Variants in XIRP2 observed in about 807,000 individuals in gnomAD.
XIRP2 encodes xin actin-binding repeat-containing protein 2.
In XIRP2, 236 loss-of-function variants were observed where a neutral mutation model predicts 277.0. The ratio of observed to expected loss-of-function variants is 0.85; its 90% CI spans 0.77 to 0.95. XIRP2 has a LOEUF of 0.95. Ranked by LOEUF, XIRP2 falls within the 40% of genes least tolerant of loss-of-function variation. The probability of loss-of-function intolerance (pLI) is 0.00; values close to 1 mark genes in which losing one functional copy is unlikely to be tolerated. For missense variants in XIRP2, 4,640 were observed against 4,157.5 expected (o/e 1.12, Z -3.19); for synonymous variants, 1,490 against 1,416.5 (o/e 1.05, Z -1.17).
intron 2 of XIRP2, among the ~76,000 whole-genome samples, chr2:167,091,981 C>T (rs1391320729): frequency 1.3e-5 from 2 of 152,078 alleles, no homozygotes; most frequent in Non-Finnish European, 2.9e-5. Context: ...AAAAGCAACA[C>T]CAAATGTGAT....
chr2:167,094,286 G>C (rs1690234777), intron 2 of XIRP2, among the ~76,000 whole-genome samples: 1 of 152,130 alleles, frequency 6.6e-6, no homozygotes, highest in Non-Finnish European at 1.5e-5. Flanking sequence ...ACTGATGATA[G>C]TTTCTTTTGC....
In XIRP2 at chr2:166,958,937, T is replaced by C. The variant is rs572172056; in HGVS notation, c.408+55047T>C. 7.2e-4 allele frequency among the ~76,000 whole-genome samples: 109 copies of C among 151,914 alleles called. 1 individual carries two copies. The highest frequency in any genetic ancestry group is 2.5e-3 in the African/African-American group (103 of 41,506). On this transcript the variant is annotated intron_variant, in intron 2 of 10. Coordinates refer to ENST00000409195, the MANE Select transcript of XIRP2 (RefSeq NM_152381.6). ...AACGTCTATTCCAACCTCTTCTTTG[T>C]CACAGAAGGCCAGGAAAACTCTAGC...
chr2:167,233,027 A>G (rs1299943503), intron 5 of XIRP2, among the ~76,000 whole-genome samples: 4 of 151,978 alleles, frequency 2.6e-5, no homozygotes, highest in African/African-American at 9.7e-5. Context: ...CAATTCTATG[A>G]TAGAAAATAT....
chr2:167,084,150 ATTG>A (rs1231808982), intron 2 of XIRP2, among the ~76,000 whole-genome samples: 1 of 152,140 alleles, frequency 6.6e-6, no homozygotes, highest in Non-Finnish European at 1.5e-5. Context: ...TTTAGCATGA[ATTG>A]TTGTTGAATT....
At chr2:167,171,398 G>A (rs1044522773) in intron 3 of XIRP2, among the ~76,000 whole-genome samples, 1 of 151,998 alleles carries the variant, frequency 6.6e-6, no homozygotes, top group Non-Finnish European at 1.5e-5. Flanking sequence ...ACACTTTTAG[G>A]TATCTTATTG....
intron 2 of XIRP2, among the ~76,000 whole-genome samples, chr2:167,030,494 G>A (rs1326061784): frequency 2.0e-5 from 3 of 152,092 alleles, no homozygotes; most frequent in African/African-American, 7.2e-5. Flanking sequence ...TCAGGAGCAG[G>A]TTGTTCAGTT....
chr2:167,233,426 C>T lies in XIRP2; in HGVS notation c.859-6429C>T, dbSNP rs563653730. 3.9e-5 allele frequency among the ~76,000 whole-genome samples: 6 copies of T among 151,950 alleles called. No homozygotes were observed. In the South Asian group the frequency reaches 1.0e-3, roughly 26 times the overall value. ...CTGGCTGTATAAGATTGATACAAAG[C>T]AGGTTAAGGTGAGATGGAAGAAGAT... On this transcript the variant is annotated intron_variant, in intron 5 of 10. Transcript: ENST00000409195.
rs1167500403 is a variant in XIRP2, at chr2:167,242,981, A to T, written c.1589A>T (p.Asn530Ile). 6.2e-7 allele frequency: 1 copy of T among 1,614,052 alleles called. No homozygotes were observed. The highest frequency in any genetic ancestry group is 1.1e-5 in the South Asian group (1 of 91,080). ...EVSEIVSSQM[N>I]SGSSVSADVQ... ...TCTGAGATTGTTTCTAGTCAAATGA[A>T]CTCAGGGAGTTCAGTCTCAGCAGAT... The change falls in exon 9 of 11, where the codon AAC (asparagine) becomes ATC (isoleucine). Residue 530 changes from asparagine to isoleucine, a missense_variant. Asn to Ile is a moderately radical substitution (Grantham distance 149). Coordinates refer to ENST00000409195, the MANE Select transcript of XIRP2 (RefSeq NM_152381.6).
At position 166,903,774 on chromosome 2, in the gene XIRP2, G is replaced by C; in HGVS notation, c.292G>C (p.Glu98Gln). ...REYGRPEVLK[E>Q]DSLSSRRRIE... ...ATATGGTCGGCCAGAAGTGCTGAAG[G>C]AGGATTCCCTGAGCAGTCGGCGCAG... Residue 98 changes from glutamate to glutamine, a missense_variant, in exon 2 of 11, where the codon GAG becomes CAG. Transcript: ENST00000409195. 1 of 1,613,710 alleles carries C rather than the reference G, an allele frequency of 6.2e-7. No homozygotes were observed. The highest frequency in any genetic ancestry group is 8.5e-7 in the Non-Finnish European group (1 of 1,179,808).
chr2:167,073,986 A>G (rs1331257154), intron 2 of XIRP2, among the ~76,000 whole-genome samples: 1 of 152,146 alleles, frequency 6.6e-6, no homozygotes, highest in Non-Finnish European at 1.5e-5. Context: ...TAACAACATC[A>G]TTCTCTCTTC....
intron 3 of XIRP2, among the ~76,000 whole-genome samples, chr2:167,180,008 T>C (rs1401912200): frequency 6.6e-6 from 1 of 152,218 alleles, no homozygotes; most frequent in African/African-American, 2.4e-5. Flanking sequence ...TAACAGAAAG[T>C]TGTCTACAAA....
At chr2:166,997,954 G>A (rs922151329) in intron 2 of XIRP2, among the ~76,000 whole-genome samples, 6 of 151,516 alleles carry the variant, frequency 4.0e-5, no homozygotes, top group Non-Finnish European at 5.9e-5. Context: ...CTTACTGAGC[G>A]CCATTTTGGT....
At position 167,248,004 on chromosome 2, in the gene XIRP2, A is replaced by G; in HGVS notation, c.6612A>G (p.Ile2204Met). ...ATAAGGATATAAAGAAAAAGAATAT[A>G]AACCTTCAACCAATGTGGCAGCTTT... is the stretch of plus-strand genomic sequence containing the variant. ...YSNKDIKKKN[I>M]NLQPMWQLLP... Residue 2204 changes from isoleucine (I) to methionine (M), a missense_variant, in exon 9 of 11, where the codon ATA becomes ATG. Coordinates refer to ENST00000409195, the MANE Select transcript of XIRP2 (RefSeq NM_152381.6). 6.2e-7 allele frequency: 1 copy of G among 1,613,122 alleles called. No homozygotes were observed. The highest frequency in any genetic ancestry group is 8.5e-7 in the Non-Finnish European group (1 of 1,179,572).
chr2:166,962,029 G>A (rs1686312318), intron 2 of XIRP2, among the ~76,000 whole-genome samples: 1 of 151,544 alleles, frequency 6.6e-6, no homozygotes, highest in African/African-American at 2.4e-5. Flanking sequence ...GACAATGAGT[G>A]GCCATAAAAG....
intron 2 of XIRP2, among the ~76,000 whole-genome samples, chr2:167,041,872 A>G (rs1030691201): frequency 1.6e-4 from 25 of 152,202 alleles, no homozygotes; most frequent in East Asian, 7.7e-4. Context: ...ACAAAGGCAC[A>G]TGGTCATCAG....
At chr2:167,090,674 A>G (rs1227005610) in intron 2 of XIRP2, among the ~76,000 whole-genome samples, 4 of 152,132 alleles carry the variant, frequency 2.6e-5, no homozygotes, top group Non-Finnish European at 5.9e-5. Context: ...GCATTACAAC[A>G]TGGTGGAGAA....
At chr2:167,029,726 GA>G (rs1688279853) in intron 2 of XIRP2, among the ~76,000 whole-genome samples, 1 of 152,134 alleles carries the variant, frequency 6.6e-6, no homozygotes, top group Non-Finnish European at 1.5e-5. Context: ...CTCATAAAAT[GA>G]GTTAGGGAGG....
intron 2 of XIRP2, among the ~76,000 whole-genome samples, chr2:167,083,558 G>C (rs1388157561): frequency 1.3e-5 from 2 of 152,158 alleles, no homozygotes; most frequent in African/African-American, 2.4e-5. Flanking sequence ...TCATGATATT[G>C]ATTCTTCCTA....
intron 2 of XIRP2, 36 bp from the exon 3 acceptor site, chr2:167,135,873 G>A: frequency 1.3e-6 from 2 of 1,531,928 alleles, no homozygotes; most frequent in Non-Finnish European, 1.8e-6. Context: ...CCTACTGATA[G>A]CTTTTAACAT....
Sources: allele counts gnomAD v4.1 joint callset (sites outside exome capture counted in the v4.1 genomes callset), GRCh38; gene constraint gnomAD v4.1.1; transcripts MANE v1.5; gene names NCBI Gene and HGNC (gene_info 2026-07-23, HGNC 2026-07-21).